CRPPA: variants seen among roughly 807,000 people sequenced by gnomAD.
The protein encoded by CRPPA is D-ribitol-5-phosphate cytidylyltransferase.
Under a neutral mutation model 52.0 loss-of-function variants are expected in CRPPA, and 43 were observed. The observed-to-expected ratio is 0.83, with a 90% confidence interval of 0.65 to 1.07. CRPPA has a LOEUF of 1.07. Ranked by LOEUF, CRPPA falls within the 50% of genes least tolerant of loss-of-function variation. The pLI, the probability that CRPPA is intolerant of heterozygous loss-of-function variation, is 0.00. For synonymous variants in CRPPA, 250 were observed against 203.5 expected (o/e 1.23, Z -1.94); for missense variants, 629 against 551.7 (o/e 1.14, Z -1.40).
intron 3 of CRPPA, among the ~76,000 whole-genome samples, chr7:16,330,695 T>C (rs1392289238): frequency 3.3e-5 from 5 of 152,080 alleles, no homozygotes. Flanking sequence ...ACTACTAATA[T>C]GGGAGAGAAA....
At chr7:16,261,852 GC>G (rs1456604440) in intron 6 of CRPPA, 2 of 151,952 alleles carry the variant, frequency 1.3e-5, no homozygotes, top group Non-Finnish European at 2.9e-5. Context: ...TTCCAAGTAC[GC>G]ATAGTTGTTA....
At chr7:16,162,391 G>A (rs1457641997) in intron 9 of CRPPA, among the ~76,000 whole-genome samples, 1 of 152,022 alleles carries the variant, frequency 6.6e-6, no homozygotes, top group African/African-American at 2.4e-5. Flanking sequence ...TGCTCTCATT[G>A]GTTTCAAAGA....
At chr7:16,391,241 G>A (rs188398008) in intron 2 of CRPPA, among the ~76,000 whole-genome samples, 180 of 152,120 alleles carry the variant, frequency 1.2e-3, no homozygotes, top group South Asian at 2.3e-3. Context: ...TATTCTTCTC[G>A]TTATTCTTGC....
chr7:16,259,021 A>G lies in CRPPA; in HGVS notation c.934-9T>C, dbSNP rs771988779. On this transcript the variant is annotated splice_polypyrimidine_tract_variant and intron_variant, in intron 6 of 9. Coordinates refer to ENST00000407010, the MANE Select transcript of CRPPA (RefSeq NM_001101426.4). Reference sequence around the variant, plus strand: ...GATGTGACTTTTACATGCTAGTAGGAAAAAACAGAAATGAATTCACAAATT... The same window carrying G: ...GATGTGACTTTTACATGCTAGTAGGGAAAAACAGAAATGAATTCACAAATT... The G allele has an allele frequency of 9.5e-6, 15 of 1,584,270 alleles. No homozygotes were observed. Among genetic ancestry groups the G allele is most frequent in the Non-Finnish European group, 1.3e-5 (15 of 1,158,766 alleles).
intron 2 of CRPPA, among the ~76,000 whole-genome samples, chr7:16,401,951 T>C (rs1787826914): frequency 6.6e-6 from 1 of 152,142 alleles, no homozygotes; most frequent in Non-Finnish European, 1.5e-5. Flanking sequence ...TAAAACAACC[T>C]GATAGTTAGC....
Position 16,309,325 on chromosome 7 carries a change from A to G in CRPPA, c.685-698T>C, listed in dbSNP as rs74802732. On this transcript the variant is annotated intron_variant, in intron 3 of 9. Transcript: ENST00000407010. ...TTAAGTACCAGATATATAAAGGTAA[A>G]TGACACATGTATTATGCCCTCAAGG... Among the ~76,000 whole-genome samples the G allele has an allele frequency of 7.0e-3, 1,070 of 152,320 alleles. 18 individuals carry two copies. Among genetic ancestry groups the G allele is most frequent in the African/African-American group, 0.025 (1,045 of 41,572 alleles).
At chr7:16,381,420 C>A (rs1487562410) in intron 2 of CRPPA, among the ~76,000 whole-genome samples, 6 of 151,832 alleles carry the variant, frequency 4.0e-5, no homozygotes, top group African/African-American at 9.7e-5. Context: ...ACTATGTGGT[C>A]AATTTTGGAA....
chr7:16,235,531 T>G (rs943509125), intron 8 of CRPPA, among the ~76,000 whole-genome samples: 3 of 152,114 alleles, frequency 2.0e-5, no homozygotes, highest in Non-Finnish European at 4.4e-5. Flanking sequence ...ATACCCATTC[T>G]TTTACATATT....
At chr7:16,201,079 T>C (rs1417933168) in intron 9 of CRPPA, among the ~76,000 whole-genome samples, 1 of 152,142 alleles carries the variant, frequency 6.6e-6, no homozygotes, top group African/African-American at 2.4e-5. Flanking sequence ...ATTAAAACAA[T>C]AGTCACATAT....
intron 8 of CRPPA, among the ~76,000 whole-genome samples, chr7:16,247,383 G>T (rs1024225718): frequency 1.3e-5 from 2 of 152,100 alleles, no homozygotes; most frequent in Non-Finnish European, 2.9e-5. Context: ...GTATTGTTTT[G>T]TTTCAGGGAA....
intron 3 of CRPPA, among the ~76,000 whole-genome samples, chr7:16,347,872 C>T (rs1418626980): frequency 2.4e-4 from 36 of 152,050 alleles, no homozygotes; most frequent in Admixed American, 2.4e-3. Context: ...GCTCTTAATT[C>T]ACCAATGCAG....
At chr7:16,158,313 T>C (rs1280325459) in intron 9 of CRPPA, among the ~76,000 whole-genome samples, 2 of 152,188 alleles carry the variant, frequency 1.3e-5, no homozygotes, top group South Asian at 2.1e-4. Context: ...TGTCATTATA[T>C]ACATTTCCCC....
intron 1 of CRPPA, among the ~76,000 whole-genome samples, chr7:16,418,150 G>C (rs924639685): frequency 2.0e-5 from 3 of 152,174 alleles, no homozygotes; most frequent in African/African-American, 7.2e-5. Flanking sequence ...GCTTTCACTT[G>C]GCAAATGGCC....
At chr7:16,417,466 A>G (rs1788221446) in intron 1 of CRPPA, among the ~76,000 whole-genome samples, 1 of 152,256 alleles carries the variant, frequency 6.6e-6, no homozygotes, top group Non-Finnish European at 1.5e-5. Flanking sequence ...AGCCATAAAA[A>G]GAACAAAATC....
intron 8 of CRPPA, among the ~76,000 whole-genome samples, chr7:16,255,991 T>A (rs1464591158): frequency 6.6e-6 from 1 of 152,088 alleles, no homozygotes; most frequent in Non-Finnish European, 1.5e-5. Context: ...GAAACTACCA[T>A]CAGAGTGAAC....
chr7:16,181,503 G>C (rs1054680293), intron 9 of CRPPA, among the ~76,000 whole-genome samples: 18 of 151,862 alleles, frequency 1.2e-4, no homozygotes, highest in Admixed American at 1.3e-4. Context: ...CAAATCTCCA[G>C]CTTCAAGGTA....
chr7:16,126,207 C>T (rs978085502), intron 9 of CRPPA, among the ~76,000 whole-genome samples: 11 of 152,060 alleles, frequency 7.2e-5, no homozygotes, highest in African/African-American at 2.4e-4. Flanking sequence ...ATAGGCTCTT[C>T]CCCCATTCCC....
chr7:16,240,188 G>C (rs1034761324), intron 8 of CRPPA, among the ~76,000 whole-genome samples: 1 of 149,870 alleles, frequency 6.7e-6, no homozygotes, highest in Non-Finnish European at 1.5e-5. Flanking sequence ...CCTCATTTTT[G>C]TGTTAGAAAT....
chr7:16,155,913 A>G (rs1263609205), intron 9 of CRPPA, among the ~76,000 whole-genome samples: 1 of 152,170 alleles, frequency 6.6e-6, no homozygotes, highest in Admixed American at 6.5e-5. Flanking sequence ...GGGTTCCTTA[A>G]TCTCAGTTTG....
Sources: gnomAD v4.1 joint callset for allele counts (sites outside exome capture counted in the v4.1 genomes callset) on GRCh38, gnomAD v4.1.1 for gene constraint, MANE v1.5 for transcripts, NCBI Gene and HGNC (gene_info 2026-07-23, HGNC 2026-07-21) for gene names.